Variants in FBXO25 observed in about 807,000 individuals in gnomAD.
The protein encoded by FBXO25 is F-box protein 25, also known as F-box only protein 25.
Under a neutral mutation model 51.9 loss-of-function variants are expected in FBXO25, and 45 were observed. The observed-to-expected ratio is 0.87, with a 90% CI of 0.68 to 1.11. The LOEUF is 1.11. FBXO25 is among the 50% of genes most tolerant of loss of function. FBXO25 has a pLI of 0.00. For missense variants in FBXO25, 507 were observed against 428.5 expected, an observed-to-expected ratio of 1.18 and a Z score of -1.62; for synonymous variants, 199 against 151.0, an observed-to-expected ratio of 1.32 and a Z score of -2.33.
chr8:441,929 C>A (rs1798448469), intron 5 of FBXO25, among the ~76,000 whole-genome samples: 1 of 152,184 alleles, frequency 6.6e-6, no homozygotes, highest in Non-Finnish European at 1.5e-5. Context: ...AGTTCAACCA[C>A]TGTGGAAGAC....
At chr8:429,181 C>G (rs1213947992) in intron 2 of FBXO25, among the ~76,000 whole-genome samples, 1 of 152,098 alleles carries the variant, frequency 6.6e-6, no homozygotes, top group South Asian at 2.1e-4. Flanking sequence ...GATCCAGTTT[C>G]CCCACATGCA....
rs1482944308 is a variant in FBXO25, at chr8:471,095, A to G, written c.*2291A>G. ...AAATTGAGCAGTACTTGCTTGGAAA[A>G]CATAACCATATTAATAGTGTAGGAT... On this transcript the variant is annotated 3_prime_UTR_variant, in exon 10 of 10. Coordinates refer to ENST00000350302, the MANE Select transcript of FBXO25 (RefSeq NM_183420.2). The G allele has an allele frequency of 6.6e-6, 1 of 152,170 alleles. No individual in the cohort carries two copies. The highest frequency in any genetic ancestry group is 2.4e-5 in the African/African-American group (1 of 41,436). The allele number at this position is 152,170 out of a possible 1,614,324, so 9.4% of individuals were successfully genotyped here.
chr8:411,953 C>A (rs187089357), intron 1 of FBXO25, among the ~76,000 whole-genome samples: 22 of 152,274 alleles, frequency 1.4e-4, no homozygotes, highest in African/African-American at 5.3e-4. Context: ...TTTAACTGAA[C>A]TAAGATGGGA....
intron 8 of FBXO25, among the ~76,000 whole-genome samples, chr8:460,635 A>C (rs930354856): frequency 6.6e-6 from 1 of 152,226 alleles, no homozygotes; most frequent in Admixed American, 6.5e-5. Flanking sequence ...CAGAAAAATC[A>C]CAGATGGTTA....
intron 9 of FBXO25, among the ~76,000 whole-genome samples, chr8:464,150 C>T (rs1173235301): frequency 2.0e-5 from 3 of 152,138 alleles, no homozygotes; most frequent in African/African-American, 2.4e-5. Context: ...CAGGGTTTCA[C>T]CGTGTTACCC....
chr8:414,084 C>G (rs1393018120), intron 2 of FBXO25, among the ~76,000 whole-genome samples: 1 of 152,128 alleles, frequency 6.6e-6, no homozygotes, highest in Admixed American at 6.5e-5. Flanking sequence ...GTTTTTCTGA[C>G]AGAAGTTCAG....
At chr8:431,747 C>G (rs558613779) in intron 3 of FBXO25, among the ~76,000 whole-genome samples, 11 of 152,304 alleles carry the variant, frequency 7.2e-5, no homozygotes, top group African/African-American at 2.6e-4. Context: ...GAGAGGTGTC[C>G]TGACTTGAGT....
intron 7 of FBXO25, among the ~76,000 whole-genome samples, chr8:454,881 A>C (rs1260405124): frequency 1.7e-5 from 2 of 114,444 alleles, no homozygotes; most frequent in African/African-American, 8.1e-5. Context: ...ACAGAGGGAG[A>C]CTCCATCTCA....
rs1364878398 is a variant in FBXO25, at chr8:472,646, G to A, written c.*3842G>A. Reference sequence around the variant, plus strand: ...GTTTCTTGTTAATTCTTCTTTAAATGTTTGAGAGAACTCCATATAAGATTT... The same window carrying A: ...GTTTCTTGTTAATTCTTCTTTAAATATTTGAGAGAACTCCATATAAGATTT... On this transcript the variant is annotated 3_prime_UTR_variant, in exon 10 of 10. Transcript: ENST00000350302. 6.6e-6 allele frequency: 1 copy of A among 152,196 alleles called. No individual in the cohort carries two copies. The highest frequency in any genetic ancestry group is 2.4e-5 in the African/African-American group (1 of 41,446). The allele number at this position is 152,196 out of a possible 1,614,324, so 9.4% of individuals were successfully genotyped here.
chr8:440,313 G>C, intron 5 of FBXO25, among the ~76,000 whole-genome samples: 1 of 152,228 alleles, frequency 6.6e-6, no homozygotes, highest in East Asian at 1.9e-4. Context: ...CTCTGTGTTA[G>C]CCACTATTTT....
chr8:454,477 G>A (rs1405313667), intron 7 of FBXO25, among the ~76,000 whole-genome samples: 4 of 152,200 alleles, frequency 2.6e-5, no homozygotes, highest in Non-Finnish European at 4.4e-5. Flanking sequence ...TGGGGCCTCC[G>A]AGGGACCCAG....
Position 467,632 on chromosome 8 carries a change from A to G in FBXO25, c.988-1083A>G, listed in dbSNP as rs1170034040. On this transcript the variant is annotated intron_variant, in intron 9 of 9. Coordinates refer to ENST00000350302, the MANE Select transcript of FBXO25 (RefSeq NM_183420.2). ...ATGAATCAAACCTGAATGCTTAGAT[A>G]CACTCTGGCTCTTTCTAATCTTAAC... is the stretch of plus-strand genomic sequence containing the variant. The G allele has an allele frequency of 2.3e-6, 3 of 1,302,806 alleles. No homozygotes were observed. In the East Asian group the frequency reaches 6.9e-5, roughly 30 times the overall value. The allele number at this position is 1,302,806 out of a possible 1,614,324, so 80.7% of individuals were successfully genotyped here. A position where few individuals can be genotyped will look rare whatever the true frequency, so the allele number is the denominator to read the frequency against.
At chr8:467,335 T>G (rs1585113689) in intron 9 of FBXO25, among the ~76,000 whole-genome samples, 1 of 152,140 alleles carries the variant, frequency 6.6e-6, no homozygotes. Context: ...AACAAAGAAC[T>G]TTCCCCAAAA....
At chr8:437,388 C>T (rs997554826) in intron 5 of FBXO25, among the ~76,000 whole-genome samples, 1 of 152,178 alleles carries the variant, frequency 6.6e-6, no homozygotes, top group Non-Finnish European at 1.5e-5. Flanking sequence ...GCATGGCTGT[C>T]CCAGCACCCT....
chr8:414,671 C>A (rs1341970521), intron 2 of FBXO25, among the ~76,000 whole-genome samples: 1 of 152,112 alleles, frequency 6.6e-6, no homozygotes, highest in Admixed American at 6.5e-5. Context: ...TAACTGGCTA[C>A]CCCTCTGTCT....
intron 7 of FBXO25, among the ~76,000 whole-genome samples, chr8:452,496 AACATGAGTGGCGAGG>A (rs1292172667): frequency 6.6e-6 from 1 of 152,242 alleles, no homozygotes; most frequent in Non-Finnish European, 1.5e-5. Context: ...TAGAAGTCCT[AACATGAGTGGCGAGG>A]CCACATGGCC....
intron 7 of FBXO25, among the ~76,000 whole-genome samples, chr8:456,435 T>C (rs1799436023): frequency 6.6e-6 from 1 of 152,162 alleles, no homozygotes. Context: ...AAGGATGGGC[T>C]AAGACTTGAA....
Position 453,897 on chromosome 8 carries a change from G to C in FBXO25, c.660+2444G>C, listed in dbSNP as rs901985632. Among the ~76,000 whole-genome samples, 8 of 152,074 alleles carry C rather than the reference G, an allele frequency of 5.3e-5. No individual in the cohort carries two copies. In the East Asian group the frequency reaches 1.5e-3, roughly 29 times the overall value. ...CAGCCACTTTGGGAGGCCAAGTCAGGTGGATCACCTGAGGTCAGGAGTTCG... is the reference window on the plus strand; with the variant it reads ...CAGCCACTTTGGGAGGCCAAGTCAGCTGGATCACCTGAGGTCAGGAGTTCG... On this transcript the variant is annotated intron_variant, in intron 7 of 9. Coordinates refer to ENST00000350302, the MANE Select transcript of FBXO25 (RefSeq NM_183420.2).
At chr8:412,183 G>T (rs1004035360) in intron 1 of FBXO25, among the ~76,000 whole-genome samples, 3 of 152,064 alleles carry the variant, frequency 2.0e-5, no homozygotes, top group Non-Finnish European at 2.9e-5. Flanking sequence ...AACTGAACAG[G>T]CATGTCCTAA....
Sources: gnomAD v4.1 joint callset for allele counts (sites outside exome capture counted in the v4.1 genomes callset) on GRCh38, gnomAD v4.1.1 for gene constraint, MANE v1.5 for transcripts, NCBI Gene and HGNC (gene_info 2026-07-23, HGNC 2026-07-21) for gene names.